CTNNA3: variants seen among roughly 807,000 people sequenced by gnomAD.
CTNNA3 encodes catenin alpha 3.
CTNNA3 carries 76 observed loss-of-function variants against 95.7 expected under a neutral mutation model. The ratio of observed to expected loss-of-function variants is 0.79; its 90% CI spans 0.66 to 0.96. The LOEUF (loss-of-function observed/expected upper bound fraction) is 0.96. Among genes scored for constraint, CTNNA3 ranks in the 40% least tolerant of loss-of-function variants. The probability of loss-of-function intolerance (pLI) is 0.00; values close to 1 mark genes in which losing one functional copy is unlikely to be tolerated. For missense variants in CTNNA3, 1,191 were observed against 1,089.8 expected (o/e 1.09, Z -1.31); for synonymous variants, 431 against 374.4 (o/e 1.15, Z -1.74).
At chr10:66,175,421 A>C (rs1190721062) in intron 13 of CTNNA3, among the ~76,000 whole-genome samples, 1 of 152,242 alleles carries the variant, frequency 6.6e-6, no homozygotes, top group African/African-American at 2.4e-5. Context: ...AGTCGAGTCA[A>C]CACCAGTGGA....
chr10:66,667,098 A>G (rs1484228999), intron 9 of CTNNA3, among the ~76,000 whole-genome samples: 2 of 152,010 alleles, frequency 1.3e-5, no homozygotes, highest in Non-Finnish European at 2.9e-5. Context: ...TATCTAACCT[A>G]CTTGTACAAC....
chr10:67,081,135 A>G (rs1407416080), intron 7 of CTNNA3, among the ~76,000 whole-genome samples: 1 of 152,184 alleles, frequency 6.6e-6, no homozygotes, highest in Admixed American at 6.5e-5. Context: ...TGACAGACAG[A>G]GCTTATACAT....
At chr10:67,022,703 C>T (rs557680130) in intron 7 of CTNNA3, among the ~76,000 whole-genome samples, 23 of 152,146 alleles carry the variant, frequency 1.5e-4, no homozygotes, top group Admixed American at 8.5e-4. Flanking sequence ...TTTGGGAGGC[C>T]GAGGCGGGCA....
chr10:66,851,477 G>C (rs1400018746), intron 7 of CTNNA3, among the ~76,000 whole-genome samples: 1 of 152,116 alleles, frequency 6.6e-6, no homozygotes, highest in East Asian at 1.9e-4. Flanking sequence ...CAGTATCGGA[G>C]GTGGGGCCTG....
intron 1 of CTNNA3, among the ~76,000 whole-genome samples, chr10:67,758,789 A>G (rs1841447720): frequency 6.6e-6 from 1 of 152,180 alleles, no homozygotes; most frequent in African/African-American, 2.4e-5. Context: ...AAAATAGATT[A>G]AGATGTCTTT....
chr10:66,610,477 GA>G lies in CTNNA3; in HGVS notation c.1374+11214del, dbSNP rs777082352. On this transcript the variant is annotated intron_variant, in intron 10 of 17. Transcript: ENST00000433211. ...TAACAGTTTATTTAGACATGTTGGG[GA>G]AAAAAAAGTCCCAAAGACCTGAATA... Among the ~76,000 whole-genome samples, 54 of 151,548 alleles carry G rather than the reference GA, an allele frequency of 3.6e-4. No individual in the cohort carries two copies. In the East Asian group the frequency reaches 9.1e-3, roughly 26 times the overall value.
chr10:66,952,971 A>G (rs1456200286), intron 7 of CTNNA3, among the ~76,000 whole-genome samples: 28 of 152,064 alleles, frequency 1.8e-4, no homozygotes, highest in Admixed American at 1.8e-3. Flanking sequence ...GAAGACCTCC[A>G]AGTAGTTTTC....
intron 13 of CTNNA3, among the ~76,000 whole-genome samples, chr10:66,260,994 G>T (rs1252393249): frequency 6.6e-6 from 1 of 152,034 alleles, no homozygotes; most frequent in Non-Finnish European, 1.5e-5. Flanking sequence ...GACTTTGGGA[G>T]AGTAATTTTA....
intron 13 of CTNNA3, among the ~76,000 whole-genome samples, chr10:66,125,433 G>C (rs2082776239): frequency 6.6e-6 from 1 of 151,754 alleles, no homozygotes; most frequent in Admixed American, 6.6e-5. Flanking sequence ...CAAACTCTAG[G>C]GCAAGTACTC....
intron 3 of CTNNA3, among the ~76,000 whole-genome samples, chr10:67,544,702 G>A (rs997724662): frequency 1.9e-4 from 29 of 152,140 alleles, no homozygotes; most frequent in African/African-American, 6.5e-4. Flanking sequence ...ACAGGACTGG[G>A]AATAATGCTT....
At chr10:66,779,650 T>C (rs1840453252) in intron 7 of CTNNA3, among the ~76,000 whole-genome samples, 1 of 152,178 alleles carries the variant, frequency 6.6e-6, no homozygotes, top group Non-Finnish European at 1.5e-5. Context: ...CATAAGCCAC[T>C]GCACCTGGCC....
intron 7 of CTNNA3, among the ~76,000 whole-genome samples, chr10:67,036,845 G>A (rs1200778940): frequency 6.6e-6 from 1 of 151,900 alleles, no homozygotes; most frequent in Non-Finnish European, 1.5e-5. Context: ...ATTAAAGTAG[G>A]ATAAAAGCAA....
intron 7 of CTNNA3, among the ~76,000 whole-genome samples, chr10:66,931,554 T>TA (rs1461889965): frequency 6.6e-6 from 1 of 152,218 alleles, no homozygotes; most frequent in African/African-American, 2.4e-5. Flanking sequence ...CAGTGACCTC[T>TA]AGTGTCTGGT....
At chr10:67,294,088 T>C (rs971157753) in intron 5 of CTNNA3, among the ~76,000 whole-genome samples, 7 of 152,176 alleles carry the variant, frequency 4.6e-5, no homozygotes, top group African/African-American at 1.2e-4. Context: ...GTCAAAGTTA[T>C]AGATTCTATT....
intron 15 of CTNNA3, among the ~76,000 whole-genome samples, chr10:66,009,145 A>G (rs1009852248): frequency 6.6e-6 from 1 of 152,032 alleles, no homozygotes; most frequent in African/African-American, 2.4e-5. Context: ...CTTGATAACT[A>G]ATTTTACTGG....
chr10:66,674,243 T>C (rs1427668544), intron 9 of CTNNA3, among the ~76,000 whole-genome samples: 11 of 152,106 alleles, frequency 7.2e-5, no homozygotes. Context: ...TTGATAGCTG[T>C]TGTGCTCTTT....
At chr10:66,270,223 TTG>T (rs2132127547) in intron 13 of CTNNA3, among the ~76,000 whole-genome samples, 1 of 133,412 alleles carries the variant, frequency 7.5e-6, no homozygotes, top group Admixed American at 7.4e-5. Context: ...ATAACATTTT[TTG>T]GGGGGGGGGG....
intron 3 of CTNNA3, among the ~76,000 whole-genome samples, chr10:67,551,440 C>CA (rs1233126807): frequency 6.6e-6 from 1 of 152,136 alleles, no homozygotes; most frequent in Non-Finnish European, 1.5e-5. Context: ...AGCTTGAACT[C>CA]ATTCTCCAAG....
At chr10:65,942,364 T>C (rs933488167) in intron 17 of CTNNA3, among the ~76,000 whole-genome samples, 3 of 152,070 alleles carry the variant, frequency 2.0e-5, no homozygotes, top group African/African-American at 7.2e-5. Flanking sequence ...CTGTCTCTAC[T>C]AAAAATACAA....
Sources: allele counts gnomAD v4.1 joint callset (sites outside exome capture counted in the v4.1 genomes callset), GRCh38; gene constraint gnomAD v4.1.1; transcripts MANE v1.5; gene names NCBI Gene and HGNC (gene_info 2026-07-23, HGNC 2026-07-21).